CASR: variants seen among roughly 807,000 people sequenced by gnomAD.
CASR encodes calcium sensing receptor.
A neutral mutation model predicts 69.1 loss-of-function variants in CASR; 23 were observed. That is an observed-to-expected ratio of 0.33 (90% CI 0.24 to 0.47). CASR has a LOEUF of 0.47. CASR is among the 20% of genes least tolerant of loss of function. The pLI is 1.00. For synonymous variants in CASR, 541 were observed against 544.7 expected, an observed-to-expected ratio of 0.99 and a Z score of 0.10; for missense variants, 924 against 1,356.1, an observed-to-expected ratio of 0.68 and a Z score of 5.00.
Position 122,219,447 on chromosome 3 carries a change from A to T in CASR, c.-242-34501A>T, listed in dbSNP as rs370325529. On this transcript the variant is annotated intron_variant, in intron 1 of 6. Transcript: ENST00000639785. Reference sequence around the variant, plus strand: ...ATTCATCTCACCAGACCCAGCCCAGATCAGGGTTCAGGGACCAAACCCAGC... The same window carrying T: ...ATTCATCTCACCAGACCCAGCCCAGTTCAGGGTTCAGGGACCAAACCCAGC... Among the ~76,000 whole-genome samples, 102 of 152,326 alleles carry T rather than the reference A, an allele frequency of 6.7e-4. 1 individual carries two copies. The highest frequency in any genetic ancestry group is 2.2e-3 in the African/African-American group (93 of 41,566).
At chr3:122,259,185 T>C (rs1426031761) in intron 3 of CASR, among the ~76,000 whole-genome samples, 3 of 152,182 alleles carry the variant, frequency 2.0e-5, no homozygotes, top group Non-Finnish European at 4.4e-5. Context: ...TATAAATACG[T>C]TCCTTAAGAG....
At chr3:122,272,038 A>G (rs999670228) in intron 4 of CASR, among the ~76,000 whole-genome samples, 1 of 151,974 alleles carries the variant, frequency 6.6e-6, no homozygotes, top group Non-Finnish European at 1.5e-5. Flanking sequence ...GTTGCTATGA[A>G]CATTTATGTA....
intron 1 of CASR, among the ~76,000 whole-genome samples, chr3:122,230,295 G>A (rs915924377): frequency 1.3e-5 from 2 of 152,234 alleles, no homozygotes; most frequent in South Asian, 2.1e-4. Flanking sequence ...CAGAACCCAA[G>A]TCCAGGGAAA....
At chr3:122,280,409 C>A (rs1313945460) in intron 5 of CASR, among the ~76,000 whole-genome samples, 3 of 152,202 alleles carry the variant, frequency 2.0e-5, no homozygotes, top group African/African-American at 2.4e-5. Flanking sequence ...AGAGAGGAAG[C>A]AACCATCATT....
At chr3:122,237,930 G>A (rs1173838989) in intron 1 of CASR, among the ~76,000 whole-genome samples, 2 of 152,102 alleles carry the variant, frequency 1.3e-5, no homozygotes, top group African/African-American at 4.8e-5. Flanking sequence ...CCACTTCTAG[G>A]TATATATTCA....
intron 5 of CASR, among the ~76,000 whole-genome samples, chr3:122,280,145 C>T (rs1407298300): frequency 2.0e-5 from 3 of 152,064 alleles, no homozygotes; most frequent in Non-Finnish European, 2.9e-5. Context: ...AAAAGGCCTT[C>T]GATAAAATTC....
At chr3:122,194,538 T>C (rs2073870281) in intron 1 of CASR, among the ~76,000 whole-genome samples, 1 of 152,220 alleles carries the variant, frequency 6.6e-6, no homozygotes, top group African/African-American at 2.4e-5. Flanking sequence ...GTTTCACCCT[T>C]CCTAATCTCC....
At chr3:122,236,340 T>C (rs1169679442) in intron 1 of CASR, among the ~76,000 whole-genome samples, 1 of 152,154 alleles carries the variant, frequency 6.6e-6, no homozygotes, top group East Asian at 1.9e-4. Flanking sequence ...GTTCCAAAAT[T>C]CATTCTTTAA....
rs140793745 is a variant in CASR, at chr3:122,216,215, G to A, written c.-243+32403G>A. ...CAGCCACATCATCAAATCCTAACTG[G>A]GTGAGGGCTTTTCTTTCCCCTTGTA... On this transcript the variant is annotated intron_variant, in intron 1 of 6. Transcript: ENST00000639785. Among the ~76,000 whole-genome samples the A allele has an allele frequency of 4.7e-3, 721 of 152,282 alleles. 5 individuals carry two copies. Among genetic ancestry groups the A allele is most frequent in the African/African-American group, 0.017 (686 of 41,546 alleles).
At chr3:122,225,932 A>G (rs1025574980) in intron 1 of CASR, among the ~76,000 whole-genome samples, 2 of 152,260 alleles carry the variant, frequency 1.3e-5, no homozygotes, top group Non-Finnish European at 2.9e-5. Flanking sequence ...AGCAACATGG[A>G]TGCAGCTAGA....
At chr3:122,258,003 C>T (rs551406629) in intron 3 of CASR, among the ~76,000 whole-genome samples, 11 of 152,330 alleles carry the variant, frequency 7.2e-5, no homozygotes, top group Middle Eastern at 3.4e-3. Flanking sequence ...CATTTACTAA[C>T]AGTTTATTGA....
intron 4 of CASR, among the ~76,000 whole-genome samples, chr3:122,270,985 T>A (rs147086264): frequency 2.5e-4 from 38 of 152,364 alleles, no homozygotes; most frequent in African/African-American, 8.4e-4. Flanking sequence ...ATGACTGTTC[T>A]GTAAATATCA....
chr3:122,212,826 G>C (rs2074082152), intron 1 of CASR, among the ~76,000 whole-genome samples: 1 of 152,076 alleles, frequency 6.6e-6, no homozygotes, highest in Non-Finnish European at 1.5e-5. Flanking sequence ...ATTTTTAGTA[G>C]AGACGGGGTT....
intron 1 of CASR, among the ~76,000 whole-genome samples, chr3:122,229,223 C>T (rs187504128): frequency 4.1e-4 from 63 of 152,318 alleles, no homozygotes; most frequent in African/African-American, 1.3e-3. Context: ...TTTTTACCAA[C>T]GTCTATACAC....
intron 3 of CASR, chr3:122,257,663 T>C: frequency 5.6e-6 from 2 of 359,102 alleles, no homozygotes; most frequent in Non-Finnish European, 1.0e-5. Context: ...GTTATTTATT[T>C]CCCACTCTAT....
In CASR at chr3:122,248,778, T is replaced by C. The variant is rs186273989; in HGVS notation, c.-242-5170T>C. On this transcript the variant is annotated intron_variant, in intron 1 of 6. Transcript: ENST00000639785. Reference sequence around the variant, plus strand: ...TAGAGATTCACAATTTCCAGAAATGTTGAGGCCAAGAGGTGAGAGTAGGGG... The same window carrying C: ...TAGAGATTCACAATTTCCAGAAATGCTGAGGCCAAGAGGTGAGAGTAGGGG... Among the ~76,000 whole-genome samples, 18 of 152,300 alleles carry C rather than the reference T, an allele frequency of 1.2e-4. No homozygotes were observed. In the East Asian group the frequency reaches 2.1e-3, roughly 18 times the overall value.
Position 122,257,191 on chromosome 3 carries a change from A to T in CASR, c.296A>T (p.Asp99Val), listed in dbSNP as rs2107627605. 6.2e-7 allele frequency: 1 copy of T among 1,614,188 alleles called. No homozygotes were observed. Among genetic ancestry groups the T allele is most frequent in the Non-Finnish European group, 8.5e-7 (1 of 1,180,022 alleles). ...PNLTLGYRIF[D>V]TCNTVSKALE... ...TTGACGCTGGGATACAGGATATTTGACACTTGCAACACCGTTTCTAAGGCC... is the reference window on the plus strand; with the variant it reads ...TTGACGCTGGGATACAGGATATTTGTCACTTGCAACACCGTTTCTAAGGCC... Residue 99 changes from aspartate to valine, a missense_variant, in exon 3 of 7, where the codon GAC becomes GTC. Physicochemically the swap from Asp to Val is radical, Grantham distance 152. Transcript: ENST00000639785.
Position 122,254,377 on chromosome 3 carries a change from AAGAAG to A in CASR, c.185+6_185+10del. ...CCGGAGTCTGTGGAATGTATCAGGT[AAGAAG>A]AGGGGCCTAATCTGCCAATCTCTTC... On this transcript the variant is annotated splice_donor_5th_base_variant and intron_variant, in intron 2 of 6. Coordinates refer to ENST00000639785, the MANE Select transcript of CASR (RefSeq NM_000388.4). 1 of 1,613,820 alleles carries A rather than the reference AAGAAG, an allele frequency of 6.2e-7. No homozygotes were observed. The highest frequency in any genetic ancestry group is 1.3e-5 in the African/African-American group (1 of 75,042).
chr3:122,255,640 A>C (rs952960024), intron 2 of CASR, among the ~76,000 whole-genome samples: 2 of 152,208 alleles, frequency 1.3e-5, no homozygotes, highest in Non-Finnish European at 2.9e-5. Flanking sequence ...ATATTTTTAA[A>C]TTATGTTAAA....
Sources: gnomAD v4.1 joint callset for allele counts (sites outside exome capture counted in the v4.1 genomes callset) on GRCh38, gnomAD v4.1.1 for gene constraint, MANE v1.5 for transcripts, NCBI Gene and HGNC (gene_info 2026-07-23, HGNC 2026-07-21) for gene names.